SLC1A7: variants seen among roughly 807,000 people sequenced by gnomAD.
The protein encoded by SLC1A7 is solute carrier family 1 member 7.
A neutral mutation model predicts 47.7 loss-of-function variants in SLC1A7; 40 were observed. The ratio of observed to expected loss-of-function variants is 0.84; its 90% CI spans 0.65 to 1.09. SLC1A7 has a LOEUF of 1.09. SLC1A7 is among the 50% of genes least tolerant of loss of function. The pLI is 0.00. For missense variants in SLC1A7, 746 were observed against 769.5 expected, an observed-to-expected ratio of 0.97 and a Z score of 0.36; for synonymous variants, 323 against 325.6, an observed-to-expected ratio of 0.99 and a Z score of 0.09.
intron 3 of SLC1A7, among the ~76,000 whole-genome samples, chr1:53,110,574 C>G (rs1482573920): frequency 6.6e-6 from 1 of 152,122 alleles, no homozygotes; most frequent in Non-Finnish European, 1.5e-5. Context: ...AGCCCCGCAG[C>G]CCCTGAGTAA....
chr1:53,101,984 A>ACGGACAGTTACACATGCG (rs1644588997), intron 5 of SLC1A7, among the ~76,000 whole-genome samples: 1 of 152,210 alleles, frequency 6.6e-6, no homozygotes, highest in Admixed American at 6.5e-5. Context: ...TCACAGATGC[A>ACGGACAGTTACACATGCG]CGGACAGTTA....
At chr1:53,118,170 T>C (rs1644782684) in intron 2 of SLC1A7, among the ~76,000 whole-genome samples, 1 of 152,186 alleles carries the variant, frequency 6.6e-6, no homozygotes, top group Non-Finnish European at 1.5e-5. Context: ...TTTTGAGGGA[T>C]TCCTCCCTGC....
intron 5 of SLC1A7, 114 bp from the exon 6 acceptor site, chr1:53,093,674 C>T (rs1382857412): frequency 1.4e-6 from 1 of 701,522 alleles, no homozygotes; most frequent in Non-Finnish European, 2.4e-6. Context: ...TCCCCCCACT[C>T]CCCCCACTCT....
chr1:53,135,218 G>A (rs1644979499), intron 1 of SLC1A7, among the ~76,000 whole-genome samples: 1 of 152,174 alleles, frequency 6.6e-6, no homozygotes, highest in East Asian at 1.9e-4. Context: ...GGACAGAGCC[G>A]AGTACTGTTC....
chr1:53,115,889 G>A (rs765422580), intron 2 of SLC1A7: 2 of 152,150 alleles, frequency 1.3e-5, no homozygotes, highest in Non-Finnish European at 2.9e-5. Context: ...TGGAGCCCTG[G>A]AGCCCTAGAG....
chr1:53,114,133 C>T (rs1028598477), intron 3 of SLC1A7, among the ~76,000 whole-genome samples: 11 of 152,212 alleles, frequency 7.2e-5, no homozygotes, highest in African/African-American at 1.9e-4. Flanking sequence ...AGCGAATGCA[C>T]GAAGGACAGG....
At chr1:53,121,664 T>C (rs1303608681) in intron 2 of SLC1A7, among the ~76,000 whole-genome samples, 1 of 152,204 alleles carries the variant, frequency 6.6e-6, no homozygotes, top group Admixed American at 6.5e-5. Context: ...CAGCAGTCAA[T>C]TCTGACACAA....
At chr1:53,091,233 C>A (rs1212719149) in intron 7 of SLC1A7, among the ~76,000 whole-genome samples, 2 of 152,252 alleles carry the variant, frequency 1.3e-5, no homozygotes, top group East Asian at 1.9e-4. Context: ...TAAACGACTA[C>A]GGGCTTGGAC....
intron 5 of SLC1A7, among the ~76,000 whole-genome samples, chr1:53,099,105 C>T (rs78279671): frequency 0.037 from 5,429 of 148,408 alleles, 175 homozygotes; most frequent in East Asian, 0.15. Flanking sequence ...GCACACATAC[C>T]GCCTCGGTAG....
At chr1:53,141,209 G>A (rs1204178795) in intron 1 of SLC1A7, among the ~76,000 whole-genome samples, 2 of 152,092 alleles carry the variant, frequency 1.3e-5, no homozygotes, top group Non-Finnish European at 2.9e-5. Context: ...CCAGCATCCT[G>A]ATACTGGATC....
At chr1:53,100,380 C>T (rs1384990907) in intron 5 of SLC1A7, among the ~76,000 whole-genome samples, 6 of 150,608 alleles carry the variant, frequency 4.0e-5, no homozygotes, top group East Asian at 4.0e-4. Context: ...CGCCCCACCT[C>T]GGTACACTCA....
At chr1:53,123,214 C>G (rs1481259013) in intron 2 of SLC1A7, among the ~76,000 whole-genome samples, 1 of 152,200 alleles carries the variant, frequency 6.6e-6, no homozygotes, top group African/African-American at 2.4e-5. Flanking sequence ...TCCACGTGAA[C>G]TGAATCCCCC....
intron 2 of SLC1A7, among the ~76,000 whole-genome samples, chr1:53,119,007 T>A (rs1401152027): frequency 1.3e-5 from 2 of 152,086 alleles, no homozygotes; most frequent in South Asian, 4.1e-4. Flanking sequence ...CAAAAAAAAA[T>A]TTATATTGCT....
At chr1:53,125,103 C>T (rs989833202) in intron 2 of SLC1A7, among the ~76,000 whole-genome samples, 5 of 152,146 alleles carry the variant, frequency 3.3e-5, no homozygotes, top group Non-Finnish European at 5.9e-5. Context: ...ATATAATTGG[C>T]ATGGCGTTAG....
At chr1:53,099,383 G>A (rs1433053927) in intron 5 of SLC1A7, among the ~76,000 whole-genome samples, 1 of 136,212 alleles carries the variant, frequency 7.3e-6, no homozygotes. Flanking sequence ...CACATACCCT[G>A]CCTTGATAGA....
At chr1:53,100,320 TACAC>T (rs1644558303) in intron 5 of SLC1A7, among the ~76,000 whole-genome samples, 1 of 94,214 alleles carries the variant, frequency 1.1e-5, no homozygotes, top group African/African-American at 4.9e-5. Context: ...TCAGTACACA[TACAC>T]ACCCCGCCTC....
At chr1:53,093,986 C>T (rs1644455905) in intron 5 of SLC1A7, among the ~76,000 whole-genome samples, 1 of 152,158 alleles carries the variant, frequency 6.6e-6, no homozygotes, top group Admixed American at 6.5e-5. Flanking sequence ...GGGAGTCCAG[C>T]TCTTCACTGC....
chr1:53,107,047 T>C (rs2150327639), intron 3 of SLC1A7, among the ~76,000 whole-genome samples: 1 of 149,874 alleles, frequency 6.7e-6, no homozygotes, highest in African/African-American at 2.5e-5. Flanking sequence ...TCCCAGCTAC[T>C]CAGGAGGCTG....
At position 53,103,504 on chromosome 1, in the gene SLC1A7, C is replaced by T. The variant is rs376678455; in HGVS notation, c.539G>A (p.Arg180Gln). Residue 180 changes from arginine to glutamine, a missense_variant, in exon 5 of 11, where the codon CGG becomes CAG. Transcript: ENST00000371494. ...CTGGACCCCGTAGATGAGGATCCGC[C>T]GAGGAGGGGCCTCCTCTGGTGCCAC... Reference protein sequence around the residue: ...PKVAPEEAPPRRILIYGVQEE... With the variant: ...PKVAPEEAPPQRILIYGVQEE... 4.1e-5 allele frequency: 66 copies of T among 1,612,538 alleles called. 1 individual carries two copies. The Middle Eastern group carries it at 9.9e-4, about 24-fold the overall frequency.
Sources: allele counts gnomAD v4.1 joint callset (sites outside exome capture counted in the v4.1 genomes callset), GRCh38; gene constraint gnomAD v4.1.1; transcripts MANE v1.5; gene names NCBI Gene and HGNC (gene_info 2026-07-23, HGNC 2026-07-21).